The following FMN2 variants were observed in gnomAD, a reference collection of about 807,000 sequenced individuals.
FMN2 encodes formin-2.
A neutral mutation model predicts 142.3 loss-of-function variants in FMN2; 51 were observed. That is an observed-to-expected ratio of 0.36 (90% confidence interval 0.29 to 0.45). The LOEUF is 0.45. Ranked by LOEUF, FMN2 falls within the 20% of genes least tolerant of loss-of-function variation. FMN2 has a pLI of 1.00. For synonymous variants in FMN2, 882 were observed against 869.8 expected (o/e 1.01, Z -0.25); for missense variants, 1,936 against 2,122.8 (o/e 0.91, Z 1.73).
At chr1:240,347,835 C>T (rs1045379798) in intron 13 of FMN2, among the ~76,000 whole-genome samples, 2 of 152,136 alleles carry the variant, frequency 1.3e-5, no homozygotes, top group African/African-American at 4.8e-5. Context: ...GGATAATGGC[C>T]TCTAGCTGCA....
chr1:240,308,665 GAGTTAAGAGATGATAGTGGCTTGGACCTC>G (rs59988714), intron 8 of FMN2, among the ~76,000 whole-genome samples: 88,995 of 151,020 alleles, frequency 0.59, 28,445 homozygotes, highest in African/African-American at 0.85. Context: ...AGACCTTTCA[GAGTTAAGAGATGATAGTGGCTTGGACCTC>G]AGTTAAGAGA....
chr1:240,231,080 G>T (rs997195), intron 6 of FMN2, among the ~76,000 whole-genome samples: 65,828 of 129,622 alleles, frequency 0.51, 24,040 homozygotes, highest in African/African-American at 0.57. Flanking sequence ...TGGCTGTTGT[G>T]TTGTAAGTAA....
rs975521935 is a variant in FMN2, at chr1:240,171,035, G to A, written c.1783-6886G>A. The A allele has an allele frequency of 6.1e-6, 6 of 987,068 alleles. No individual in the cohort carries two copies. The African/African-American group carries it at 7.9e-5, about 13-fold the overall frequency. 61.1% of individuals were successfully genotyped at this position (987,068 alleles called of 1,614,324 possible). ...GCATGTCAGCAGGGCTGGGGCGTCA[G>A]TGTGGTGGTTGGAGTAGCTGCTTCA... On this transcript the variant is annotated intron_variant, in intron 2 of 17. Coordinates refer to ENST00000319653, the MANE Select transcript of FMN2 (RefSeq NM_020066.5).
intron 2 of FMN2, among the ~76,000 whole-genome samples, chr1:240,131,817 C>T (rs890427902): frequency 1.2e-4 from 19 of 152,070 alleles, no homozygotes; most frequent in African/African-American, 4.3e-4. Context: ...GAGAATGATG[C>T]GTAGAAAGGA....
intron 2 of FMN2, chr1:240,144,615 C>T: frequency 7.7e-7 from 1 of 1,295,402 alleles, no homozygotes; most frequent in Non-Finnish European, 1.1e-6. Flanking sequence ...TTTCAGAACA[C>T]ACCCAGGGCA....
At position 240,092,046 on chromosome 1, in the gene FMN2, G is replaced by T. The variant is rs1470947958; in HGVS notation, c.-64G>T. 2.0e-6 allele frequency: 3 copies of T among 1,493,728 alleles called. No homozygotes were observed. In the South Asian group the frequency reaches 4.0e-5, roughly 20 times the overall value. 92.5% of individuals were successfully genotyped at this position (1,493,728 alleles called of 1,614,324 possible). A position where few individuals can be genotyped will look rare whatever the true frequency, so the allele number is the denominator to read the frequency against. On this transcript the variant is annotated 5_prime_UTR_variant, in exon 1 of 18. Coordinates refer to ENST00000319653, the MANE Select transcript of FMN2 (RefSeq NM_020066.5). Reference sequence around the variant, plus strand: ...GGAGACTCCCTAGGCCCGGACCTGGGGCCGAGGAGGGCCGGGATGGCCTGA... The same window carrying T: ...GGAGACTCCCTAGGCCCGGACCTGGTGCCGAGGAGGGCCGGGATGGCCTGA...
intron 8 of FMN2, among the ~76,000 whole-genome samples, chr1:240,325,187 G>A (rs1327444057): frequency 6.6e-5 from 10 of 151,810 alleles, no homozygotes; most frequent in Admixed American, 1.3e-4. Flanking sequence ...GCAAAACCCC[G>A]TCTCTACAAA....
Position 240,230,576 on chromosome 1 carries a change from G to C in FMN2, c.4065+19341G>C, listed in dbSNP as rs1667499871. 1.5e-5 allele frequency among the ~76,000 whole-genome samples: 2 copies of C among 131,680 alleles called. 1 individual carries two copies. The highest frequency in any genetic ancestry group is 6.5e-5 in the African/African-American group (2 of 30,812). The allele number at this position is 131,680 out of a possible 152,430, so 86.4% of individuals were successfully genotyped here. On this transcript the variant is annotated intron_variant, in intron 6 of 17. Transcript: ENST00000319653. ...ATCCATGTGTTAATCTTTATGTATAGTTCTGTGTATTTTTCTATATGGATT... is the reference window on the plus strand; with the variant it reads ...ATCCATGTGTTAATCTTTATGTATACTTCTGTGTATTTTTCTATATGGATT...
intron 1 of FMN2, among the ~76,000 whole-genome samples, chr1:240,094,268 G>T (rs1036923326): frequency 6.6e-6 from 1 of 152,180 alleles, no homozygotes; most frequent in Non-Finnish European, 1.5e-5. Flanking sequence ...CAGCAGTCTG[G>T]GTTCCGCTGC....
At chr1:240,176,075 T>A (rs974612696) in intron 2 of FMN2, among the ~76,000 whole-genome samples, 2 of 152,184 alleles carry the variant, frequency 1.3e-5, no homozygotes, top group African/African-American at 4.8e-5. Context: ...CATTGATTTT[T>A]AAAAAAATTT....
chr1:240,266,644 G>A (rs1278887827), intron 7 of FMN2, among the ~76,000 whole-genome samples: 3 of 151,976 alleles, frequency 2.0e-5, no homozygotes. Context: ...CTAAATCTTT[G>A]CTATTGTGTA....
intron 13 of FMN2, among the ~76,000 whole-genome samples, chr1:240,352,598 A>C (rs1363989239): frequency 6.6e-6 from 1 of 152,090 alleles, no homozygotes; most frequent in African/African-American, 2.4e-5. Context: ...ATTTAAAAAA[A>C]ACAAACTGCT....
chr1:240,227,985 C>A (rs1170275035), intron 6 of FMN2, among the ~76,000 whole-genome samples: 1 of 151,944 alleles, frequency 6.6e-6, no homozygotes, highest in Non-Finnish European at 1.5e-5. Context: ...TCAATAACAA[C>A]AATAATTTTA....
chr1:240,460,195 A>G (rs76834671), intron 16 of FMN2, among the ~76,000 whole-genome samples: 2 of 152,332 alleles, frequency 1.3e-5, no homozygotes, highest in South Asian at 2.1e-4. Context: ...CAATTATTCA[A>G]TAGAACTTCT....
chr1:240,229,807 C>T lies in FMN2; in HGVS notation c.4065+18572C>T, dbSNP rs546549236. On this transcript the variant is annotated intron_variant, in intron 6 of 17. Transcript: ENST00000319653. ...GATTACAGGCATGCACCACCATGCCCAGCTAATTTTTGTATTTTAGTAGAG... is the reference window on the plus strand; with the variant it reads ...GATTACAGGCATGCACCACCATGCCTAGCTAATTTTTGTATTTTAGTAGAG... 6.4e-4 allele frequency among the ~76,000 whole-genome samples: 62 copies of T among 96,376 alleles called. 20 individuals are homozygous for T. Among genetic ancestry groups the T allele is most frequent in the African/African-American group, 2.7e-3 (52 of 19,316 alleles). 63.2% of individuals were successfully genotyped at this position (96,376 alleles called of 152,430 possible).
At chr1:240,368,955 T>TTTTA (rs139838331) in intron 14 of FMN2, among the ~76,000 whole-genome samples, 3 of 148,084 alleles carry the variant, frequency 2.0e-5, no homozygotes, top group Non-Finnish European at 4.5e-5. Flanking sequence ...AACACAATGT[T>TTTTA]TATATATATA....
intron 7 of FMN2, among the ~76,000 whole-genome samples, chr1:240,288,025 A>C (rs1240248172): frequency 7.2e-5 from 11 of 152,228 alleles, no homozygotes; most frequent in African/African-American, 2.7e-4. Flanking sequence ...AAGGACAATC[A>C]GAGTGATCTC....
chr1:240,143,993 G>C, intron 2 of FMN2: 1 of 1,271,838 alleles, frequency 7.9e-7, no homozygotes, highest in Non-Finnish European at 1.2e-6. Flanking sequence ...CAGTCCCAGA[G>C]CAGGGACACA....
chr1:240,104,671 A>T (rs1378795773), intron 1 of FMN2, among the ~76,000 whole-genome samples: 1 of 152,222 alleles, frequency 6.6e-6, no homozygotes, highest in Non-Finnish European at 1.5e-5. Flanking sequence ...AAAAAGAACA[A>T]AACAAAACTC....
Sources: allele counts gnomAD v4.1 joint callset (sites outside exome capture counted in the v4.1 genomes callset), GRCh38; gene constraint gnomAD v4.1.1; transcripts MANE v1.5; gene names NCBI Gene and HGNC (gene_info 2026-07-23, HGNC 2026-07-21).